MTMR12: variants seen among roughly 807,000 people sequenced by gnomAD.
MTMR12 encodes myotubularin related protein 12.
MTMR12 carries 33 observed loss-of-function variants against 96.7 expected under a neutral mutation model. The observed-to-expected ratio is 0.34, with a 90% CI of 0.26 to 0.46. The LOEUF (loss-of-function observed/expected upper bound fraction) is 0.46, where lower values mean the gene tolerates loss of function less well. Among genes scored for constraint, MTMR12 ranks in the 20% least tolerant of loss-of-function variants. MTMR12 has a pLI of 1.00. For synonymous variants in MTMR12, 298 were observed against 327.2 expected (o/e 0.91, Z 0.96); for missense variants, 721 against 896.1 (o/e 0.80, Z 2.49).
Position 32,274,021 on chromosome 5 carries a change from T to C in MTMR12, c.244A>G (p.Ile82Val). 6.2e-7 allele frequency: 1 copy of C among 1,614,152 alleles called. No homozygotes were observed. Among genetic ancestry groups the C allele is most frequent in the Non-Finnish European group, 8.5e-7 (1 of 1,180,030 alleles). Reference sequence around the variant, plus strand: ...GATTCATCATCACCCAAGAAGGCAATCTTGAAGTCTGTGCAGACAAGCCTC... The same window carrying C: ...GATTCATCATCACCCAAGAAGGCAACCTTGAAGTCTGTGCAGACAAGCCTC... ...YGRLVCTDFK[I>V]AFLGDDESAL... Residue 82 changes from isoleucine to valine, a missense_variant, in exon 3 of 16, where the codon ATT (isoleucine) becomes GTT (valine). Ile to Val is a conservative substitution (Grantham distance 29). Coordinates refer to ENST00000382142, the MANE Select transcript of MTMR12 (RefSeq NM_001040446.3).
At chr5:32,309,338 T>C (rs1296038502) in intron 1 of MTMR12, among the ~76,000 whole-genome samples, 2 of 152,222 alleles carry the variant, frequency 1.3e-5, no homozygotes, top group Admixed American at 6.5e-5. Flanking sequence ...CCGACAAGCA[T>C]AGGCAACCAA....
intron 12 of MTMR12, 144 bp downstream of exon 12, chr5:32,241,913 T>C: frequency 1.5e-6 from 1 of 649,730 alleles, no homozygotes; most frequent in Non-Finnish European, 2.5e-6. Flanking sequence ...AGGCAAAGGA[T>C]TCCAAGGTTA....
chr5:32,258,024 G>A (rs562024936), intron 7 of MTMR12, among the ~76,000 whole-genome samples: 4 of 152,036 alleles, frequency 2.6e-5, no homozygotes, highest in African/African-American at 7.2e-5. Flanking sequence ...CTACTCAGGA[G>A]ACTGAGGTGG....
At chr5:32,245,876 A>T (rs1167627095) in intron 10 of MTMR12, among the ~76,000 whole-genome samples, 1 of 152,124 alleles carries the variant, frequency 6.6e-6, no homozygotes, top group Non-Finnish European at 1.5e-5. Context: ...CTTTGGTCAG[A>T]AAAGTCAACA....
At chr5:32,311,880 T>C (rs1751611933) in intron 1 of MTMR12, among the ~76,000 whole-genome samples, 1 of 152,204 alleles carries the variant, frequency 6.6e-6, no homozygotes, top group African/African-American at 2.4e-5. Context: ...ATGCCACCTT[T>C]GCGAGGAGGA....
intron 1 of MTMR12, among the ~76,000 whole-genome samples, chr5:32,290,589 C>T (rs1750703696): frequency 6.6e-6 from 1 of 152,192 alleles, no homozygotes; most frequent in African/African-American, 2.4e-5. Context: ...GAGTGTGTTA[C>T]TCCAGCCCAT....
intron 10 of MTMR12, among the ~76,000 whole-genome samples, chr5:32,246,174 T>TTTTTTTTTTTGTTTG (rs1561751718): frequency 1.3e-5 from 2 of 149,588 alleles, no homozygotes; most frequent in Non-Finnish European, 3.0e-5. Flanking sequence ...TAGACAGTTT[T>TTTTTTTTTTTGTTTG]TTTTTTTTTT....
At chr5:32,241,882 A>G (rs1329340728) in intron 12 of MTMR12, among the ~76,000 whole-genome samples, 175 bp downstream of exon 12, 2 of 152,242 alleles carry the variant, frequency 1.3e-5, no homozygotes, top group Non-Finnish European at 1.5e-5. Flanking sequence ...ATTTTGTTTT[A>G]AACTCTAACA....
intron 15 of MTMR12, among the ~76,000 whole-genome samples, chr5:32,232,755 C>T (rs542021312): frequency 2.9e-4 from 44 of 152,382 alleles, no homozygotes; most frequent in African/African-American, 8.9e-4. Context: ...CCTGGGCCTG[C>T]GGCCCCTAAA....
At chr5:32,282,236 G>C (rs1750326310) in intron 1 of MTMR12, among the ~76,000 whole-genome samples, 1 of 151,534 alleles carries the variant, frequency 6.6e-6, no homozygotes, top group African/African-American at 2.4e-5. Flanking sequence ...CAAAAAATTA[G>C]CTGGTGAAAC....
intron 10 of MTMR12, among the ~76,000 whole-genome samples, chr5:32,246,169 A>AGTTTTTTTTTTTT (rs1554056236): frequency 0.03 from 3,894 of 130,718 alleles, 207 homozygotes; most frequent in African/African-American, 0.11. Context: ...TTGAGTAGAC[A>AGTTTTTTTTTTTT]GTTTTTTTTT....
chr5:32,246,170 G>GGTTTTTTTTTTTTGTT (rs1554056246), intron 10 of MTMR12, among the ~76,000 whole-genome samples: 3 of 82,828 alleles, frequency 3.6e-5, no homozygotes, highest in Non-Finnish European at 8.0e-5. Context: ...TGAGTAGACA[G>GGTTTTTTTTTTTTGTT]TTTTTTTTTT....
chr5:32,285,255 G>A (rs536788777), intron 1 of MTMR12, among the ~76,000 whole-genome samples: 1 of 152,106 alleles, frequency 6.6e-6, no homozygotes, highest in Non-Finnish European at 1.5e-5. Context: ...CTACTTGGGA[G>A]GCTGAGGCAG....
intron 13 of MTMR12, among the ~76,000 whole-genome samples, chr5:32,237,414 G>A (rs1393314613): frequency 6.6e-6 from 1 of 152,134 alleles, no homozygotes; most frequent in Non-Finnish European, 1.5e-5. Context: ...GGCCTGGAGC[G>A]ATTAGTCCAG....
chr5:32,293,884 G>A (rs898513530), intron 1 of MTMR12, among the ~76,000 whole-genome samples: 2 of 152,132 alleles, frequency 1.3e-5, no homozygotes, highest in African/African-American at 4.8e-5. Context: ...GCCACCCCTT[G>A]CCAAATCTAA....
At chr5:32,305,642 G>A (rs1022628066) in intron 1 of MTMR12, among the ~76,000 whole-genome samples, 2 of 151,976 alleles carry the variant, frequency 1.3e-5, no homozygotes, top group Non-Finnish European at 2.9e-5. Context: ...GATGGCTCAC[G>A]CCTGTAATCC....
intron 13 of MTMR12, among the ~76,000 whole-genome samples, chr5:32,238,229 T>C (rs1178207787): frequency 2.0e-5 from 3 of 150,848 alleles, no homozygotes; most frequent in East Asian, 1.9e-4. Context: ...TATTTTGAGA[T>C]AGGGTCTCAC....
At position 32,298,080 on chromosome 5, in the gene MTMR12, C is replaced by T. The variant is rs1750994102; in HGVS notation, c.81+14678G>A. 3.3e-5 allele frequency among the ~76,000 whole-genome samples: 5 copies of T among 152,276 alleles called. No individual in the cohort carries two copies. In the South Asian group the frequency reaches 8.3e-4, roughly 25 times the overall value. ...TTGGATCAGTGGAAGGGGCAAGAAG[C>T]GTGGAGGGCTCTTAAATGGGAAGAT... On this transcript the variant is annotated intron_variant, in intron 1 of 15. Coordinates refer to ENST00000382142, the MANE Select transcript of MTMR12 (RefSeq NM_001040446.3).
intron 1 of MTMR12, among the ~76,000 whole-genome samples, chr5:32,299,737 G>A (rs1446459292): frequency 4.6e-5 from 7 of 152,130 alleles, no homozygotes; most frequent in East Asian, 1.9e-4. Flanking sequence ...CTGCAGGTCC[G>A]AGCAGCGACC....
Sources: allele counts gnomAD v4.1 joint callset (sites outside exome capture counted in the v4.1 genomes callset), GRCh38; gene constraint gnomAD v4.1.1; transcripts MANE v1.5; gene names NCBI Gene and HGNC (gene_info 2026-07-23, HGNC 2026-07-21).